The following TTC33 variants were observed in gnomAD, a reference collection of about 807,000 sequenced individuals.
TTC33 encodes tetratricopeptide repeat domain 33, also known as tetratricopeptide repeat protein 33.
TTC33 carries 24 observed loss-of-function variants against 29.4 expected under a neutral mutation model. The observed-to-expected ratio is 0.82, with a 90% CI of 0.59 to 1.15. The LOEUF is 1.15. TTC33 is among the 50% of genes most tolerant of loss of function. TTC33 has a pLI of 0.00. For synonymous variants in TTC33, 107 were observed against 100.3 expected (o/e 1.07, Z -0.40); for missense variants, 286 against 310.4 (o/e 0.92, Z 0.59).
At chr5:40,742,993 A>C (rs1440780946) in intron 2 of TTC33, among the ~76,000 whole-genome samples, 1 of 152,226 alleles carries the variant, frequency 6.6e-6, no homozygotes, top group Non-Finnish European at 1.5e-5. Flanking sequence ...CTAAGAGCTG[A>C]AGACACTATA....
chr5:40,720,113 T>C (rs777984230), intron 4 of TTC33, among the ~76,000 whole-genome samples: 9 of 152,322 alleles, frequency 5.9e-5, no homozygotes, highest in Admixed American at 1.3e-4. Context: ...AATATTAATA[T>C]ATTGCTGAGT....
chr5:40,721,681 C>A (rs1411442101), intron 4 of TTC33, among the ~76,000 whole-genome samples: 10 of 145,452 alleles, frequency 6.9e-5, no homozygotes, highest in African/African-American at 2.4e-4. Flanking sequence ...ACAAAAAAAA[C>A]AAAAACAAAA....
chr5:40,731,628 C>T (rs1742429498), intron 2 of TTC33, among the ~76,000 whole-genome samples: 1 of 152,180 alleles, frequency 6.6e-6, no homozygotes, highest in Non-Finnish European at 1.5e-5. Context: ...GTCATGAGAC[C>T]AGCATGGCAG....
At chr5:40,718,257 A>T (rs1271933981) in intron 4 of TTC33, among the ~76,000 whole-genome samples, 5 of 151,606 alleles carry the variant, frequency 3.3e-5, no homozygotes, top group African/African-American at 1.2e-4. Flanking sequence ...TACAAAAAAA[A>T]TTAGTTGGAC....
chr5:40,723,063 G>A (rs1459641071), intron 4 of TTC33, among the ~76,000 whole-genome samples: 2 of 152,136 alleles, frequency 1.3e-5, no homozygotes, highest in African/African-American at 4.8e-5. Context: ...AAGTAGACAT[G>A]GGAGACTCCA....
intron 1 of TTC33, among the ~76,000 whole-genome samples, chr5:40,753,928 A>C (rs914385789): frequency 4.6e-5 from 7 of 152,152 alleles, no homozygotes; most frequent in African/African-American, 1.4e-4. Flanking sequence ...TAAAAAAAAA[A>C]ACCGTTGATC....
intron 1 of TTC33, among the ~76,000 whole-genome samples, chr5:40,752,814 G>A (rs1042548876): frequency 2.0e-5 from 3 of 152,176 alleles, no homozygotes; most frequent in Non-Finnish European, 2.9e-5. Context: ...AGCACGAAAA[G>A]ACTTGCTGGA....
At chr5:40,755,118 C>A (rs1262294731) in intron 1 of TTC33, among the ~76,000 whole-genome samples, 1 of 152,164 alleles carries the variant, frequency 6.6e-6, no homozygotes, top group African/African-American at 2.4e-5. Flanking sequence ...TAAACAACGA[C>A]GCTGTATTCT....
In TTC33 at chr5:40,716,394, T is replaced by TACC; in HGVS notation, c.537_539dup (p.Val180dup). ...CTTCACTTTTTTTAATCCTCTGTGC[T>TACC]ACCTTCTGCTGCTCCTGGAGCGTTC... On this transcript the variant is annotated inframe_insertion, in exon 5 of 5. Coordinates refer to ENST00000337702, the MANE Select transcript of TTC33 (RefSeq NM_012382.3). 1 of 1,614,060 alleles carries TACC rather than the reference T, an allele frequency of 6.2e-7. No individual in the cohort carries two copies. Among genetic ancestry groups the TACC allele is most frequent in the Non-Finnish European group, 8.5e-7 (1 of 1,180,042 alleles).
At chr5:40,755,490 G>C (rs1699804669) in intron 1 of TTC33, among the ~76,000 whole-genome samples, 1 of 152,200 alleles carries the variant, frequency 6.6e-6, no homozygotes, top group South Asian at 2.1e-4. Context: ...CCTCTCCAGC[G>C]GGGAGCGGCC....
chr5:40,716,363 CT>C lies in TTC33; in HGVS notation c.570del (p.Ala191LeufsTer3). On this transcript the variant is annotated frameshift_variant, in exon 5 of 5. Transcript: ENST00000337702. LOFTEE classifies it high-confidence loss of function. ...TTTGGTGAAAAGTGTGTTACTTCAG[CT>C]GGTGCTTCACTTTTTTTAATCCTCT... ...VAQRIKKSEA[P>X]AEVTHFSPKS... 6.2e-7 allele frequency: 1 copy of C among 1,614,174 alleles called. No homozygotes were observed. The highest frequency in any genetic ancestry group is 8.5e-7 in the Non-Finnish European group (1 of 1,180,036).
chr5:40,746,580 GA>G (rs1163093623), intron 2 of TTC33, among the ~76,000 whole-genome samples: 2 of 152,208 alleles, frequency 1.3e-5, no homozygotes, highest in African/African-American at 4.8e-5. Flanking sequence ...TTAGCATCCT[GA>G]AAACTATTTT....
intron 4 of TTC33, among the ~76,000 whole-genome samples, chr5:40,717,004 G>A (rs1210813943): frequency 3.3e-5 from 5 of 151,988 alleles, no homozygotes; most frequent in African/African-American, 1.2e-4. Context: ...TGAGGTGGGC[G>A]GATCACCTGA....
In TTC33 at chr5:40,716,237, T is replaced by C. The variant is rs142832635; in HGVS notation, c.697A>G (p.Ile233Val). 28 of 1,614,186 alleles carry C rather than the reference T, an allele frequency of 1.7e-5. No individual in the cohort carries two copies. In the African/African-American group the frequency reaches 3.7e-4, roughly 22 times the overall value. The change falls in exon 5 of 5, where the codon ATT (isoleucine) becomes GTT (valine). Residue 233 changes from isoleucine (I) to valine (V), a missense_variant. Transcript: ENST00000337702. ...TCTATGGCCCCAGAAGCAGACACAATAACCATTGTTTTATTTGCTGAAACT... is the reference window on the plus strand; with the variant it reads ...TCTATGGCCCCAGAAGCAGACACAACAACCATTGTTTTATTTGCTGAAACT... The part of the protein sequence containing the change: ...KTVSANKTMV[I>V]VSASGAIETV...
At chr5:40,723,262 C>T (rs1742196952) in intron 4 of TTC33, among the ~76,000 whole-genome samples, 1 of 151,928 alleles carries the variant, frequency 6.6e-6, no homozygotes, top group African/African-American at 2.4e-5. Flanking sequence ...CATCACCACT[C>T]CCTAATCTCA....
At position 40,713,559 on chromosome 5, in the gene TTC33, G is replaced by A. The variant is rs1036120295; in HGVS notation, c.*2586C>T. ...CATGGCTTTTCAATGTTTATGTAGT[G>A]TCTGTTAATATATTTAAGATAAATA... On this transcript the variant is annotated 3_prime_UTR_variant, in exon 5 of 5. Transcript: ENST00000337702. Among the ~76,000 whole-genome samples, 1 of 152,046 alleles carries A rather than the reference G, an allele frequency of 6.6e-6. No individual in the cohort carries two copies. Among genetic ancestry groups the A allele is most frequent in the Non-Finnish European group, 1.5e-5 (1 of 67,992 alleles).
chr5:40,716,068 CCA>C lies in TTC33; in HGVS notation c.*75_*76del. On this transcript the variant is annotated 3_prime_UTR_variant, in exon 5 of 5. Coordinates refer to ENST00000337702, the MANE Select transcript of TTC33 (RefSeq NM_012382.3). ...CAACCAGGCGTTCTCCTATCTATCTCCAGAGTAAATGTCTCTATGTCAAAACT... is the reference window on the plus strand; with the variant it reads ...CAACCAGGCGTTCTCCTATCTATCTCGAGTAAATGTCTCTATGTCAAAACT... The C allele has an allele frequency of 8.1e-7, 1 of 1,241,886 alleles. No homozygotes were observed. Among genetic ancestry groups the C allele is most frequent in the East Asian group, 2.5e-5 (1 of 40,758 alleles). The allele number at this position is 1,241,886 out of a possible 1,614,324, so 76.9% of individuals were successfully genotyped here. A position where few individuals can be genotyped will look rare whatever the true frequency, so the allele number is the denominator to read the frequency against.
chr5:40,717,996 A>AG (rs1742038512), intron 4 of TTC33, among the ~76,000 whole-genome samples: 1 of 151,956 alleles, frequency 6.6e-6, no homozygotes, highest in South Asian at 2.1e-4. Context: ...CGGGAGGCGG[A>AG]GGTTGCAGTG....
chr5:40,717,716 A>C (rs1742031700), intron 4 of TTC33, among the ~76,000 whole-genome samples: 1 of 152,192 alleles, frequency 6.6e-6, no homozygotes, highest in African/African-American at 2.4e-5. Context: ...GTTTTCTCTG[A>C]GTATACTTAG....
Sources: gnomAD v4.1 joint callset for allele counts (sites outside exome capture counted in the v4.1 genomes callset) on GRCh38, gnomAD v4.1.1 for gene constraint, MANE v1.5 for transcripts, NCBI Gene and HGNC (gene_info 2026-07-23, HGNC 2026-07-21) for gene names.